The following BRIX1 variants were observed in gnomAD, a reference collection of about 807,000 sequenced individuals.
BRIX1 encodes the protein ribosome biogenesis protein BRX1 homolog.
Under a neutral mutation model 44.0 loss-of-function variants are expected in BRIX1, and 15 were observed. The ratio of observed to expected loss-of-function variants is 0.34; its 90% CI spans 0.23 to 0.53. BRIX1 has a LOEUF of 0.53. Among genes scored for constraint, BRIX1 ranks in the 20% least tolerant of loss-of-function variants. BRIX1 has a pLI of 0.95. For synonymous variants in BRIX1, 149 were observed against 135.4 expected (o/e 1.10, Z -0.70); for missense variants, 420 against 432.8 (o/e 0.97, Z 0.26).
At chr5:34,923,865 T>G (rs1051590453) in intron 8 of BRIX1, among the ~76,000 whole-genome samples, 1 of 152,238 alleles carries the variant, frequency 6.6e-6, no homozygotes, top group African/African-American at 2.4e-5. Flanking sequence ...CTACTTCTAT[T>G]CATGACTGTT....
chr5:34,919,996 A>G lies in BRIX1; in HGVS notation c.315+113A>G, dbSNP rs1421970930. On this transcript the variant is annotated intron_variant, in intron 3 of 9. Transcript: ENST00000336767. The stretch of plus-strand genomic sequence containing the variant: ...ATTATTTTGTAAAAACTATTCAGAC[A>G]CATTTTATTAACTCTTCAATAACTG... 12 of 525,234 alleles carry G rather than the reference A, an allele frequency of 2.3e-5. No individual in the cohort carries two copies. In the East Asian group the frequency reaches 3.5e-4, roughly 15 times the overall value. 32.5% of individuals were successfully genotyped at this position (525,234 alleles called of 1,614,324 possible).
In BRIX1 at chr5:34,924,659, G is replaced by T. The variant is rs369951098; in HGVS notation, c.664-188G>T. On this transcript the variant is annotated intron_variant, in intron 8 of 9. Transcript: ENST00000336767. ...ACTCACTGAAAAAACATTTTTCCAT[G>T]ACAACTTCCTATAAGTACTAATAGA... 1.0e-3 allele frequency among the ~76,000 whole-genome samples: 157 copies of T among 152,168 alleles called. 5 individuals carry two copies. The South Asian group carries it at 0.031, about 30-fold the overall frequency.
Position 34,924,440 on chromosome 5 carries a change from A to C in BRIX1, c.664-407A>C, listed in dbSNP as rs186257848. Among the ~76,000 whole-genome samples the C allele has an allele frequency of 3.9e-3, 588 of 152,250 alleles. 3 individuals carry two copies. Among genetic ancestry groups the C allele is most frequent in the African/African-American group, 0.013 (537 of 41,550 alleles). ...ATAAATTTGACTACATATCCTTTTA[A>C]TCTAACTTGAATTAGATTTATAAAA... On this transcript the variant is annotated intron_variant, in intron 8 of 9. Transcript: ENST00000336767.
At chr5:34,916,160 G>GT in intron 1 of BRIX1, 1 of 345,090 alleles carries the variant, frequency 2.9e-6, no homozygotes, top group South Asian at 8.8e-5. Context: ...CAGATCCAGC[G>GT]TTCTTTCTTA....
At position 34,924,855 on chromosome 5, in the gene BRIX1, A is replaced by G; in HGVS notation, c.672A>G (p.Glu224=). Residue 224 remains glutamate, a synonymous_variant, in exon 9 of 10, where the codon GAA becomes GAG. Coordinates refer to ENST00000336767, the MANE Select transcript of BRIX1 (RefSeq NM_018321.4). The part of the protein sequence containing the change: ...RIWFRNFQII[E]EDAALVEIGP... ...TTTCCTTTTTATTAAAGATCATAGA[A>G]GAAGATGCTGCTCTTGTAGAAATAG... 6.2e-7 allele frequency: 1 copy of G among 1,601,128 alleles called. No individual in the cohort carries two copies.
rs759472010 is a variant in BRIX1 at position 34,918,518 on chromosome 5, T to G, written c.271+43T>G. On this transcript the variant is annotated intron_variant, in intron 2 of 9. Coordinates refer to ENST00000336767, the MANE Select transcript of BRIX1 (RefSeq NM_018321.4). The stretch of plus-strand genomic sequence containing the variant: ...ACTTTAGAAATTTCTATCTATAAAC[T>G]TACCTATTTTTATGTTTTCACTTAT... 2.7e-6 allele frequency: 3 copies of G among 1,101,982 alleles called. No homozygotes were observed. In the African/African-American group the frequency reaches 5.0e-5, roughly 18 times the overall value. 68.3% of individuals were successfully genotyped at this position (1,101,982 alleles called of 1,614,324 possible). A position where few individuals can be genotyped will look rare whatever the true frequency, so the allele number is the denominator to read the frequency against.
chr5:34,922,038 A>G (rs1033668692), intron 3 of BRIX1, 179 bp from the exon 4 acceptor site: 4 of 376,358 alleles, frequency 1.1e-5, no homozygotes, highest in Non-Finnish European at 1.4e-5. Flanking sequence ...TACCTTGGGT[A>G]GAATACCTAA....
intron 8 of BRIX1, among the ~76,000 whole-genome samples, chr5:34,924,459 T>C (rs540610318): frequency 1.2e-4 from 18 of 152,346 alleles, no homozygotes; most frequent in Non-Finnish European, 2.2e-4. Context: ...GAATTAGATT[T>C]ATAAAAACAA....
rs1293878365 is a variant in BRIX1, at chr5:34,922,258, A to C, written c.357A>C (p.Glu119Asp). 6.3e-7 allele frequency: 1 copy of C among 1,593,458 alleles called. No homozygotes were observed. Among genetic ancestry groups the C allele is most frequent in the Non-Finnish European group, 8.6e-7 (1 of 1,165,254 alleles). ...ACTGTAATAAATGCATCTATTTTGA[A>C]GCTAAGAAAAAACAGGATCTCTATA... ...MKNCNKCIYF[E>D]AKKKQDLYMW... Residue 119 changes from glutamate to aspartate, a missense_variant, in exon 4 of 10, where the codon GAA (glutamate) becomes GAC (aspartate). Coordinates refer to ENST00000336767, the MANE Select transcript of BRIX1 (RefSeq NM_018321.4).
chr5:34,923,200 T>C lies in BRIX1; in HGVS notation c.629T>C (p.Ile210Thr). ...GTGGACCACGTGTTTACTTTCACCA[T>C]TTTGGATAATAGGATATGGTTTCGG... is the stretch of plus-strand genomic sequence containing the variant. ...PFVDHVFTFT[I>T]LDNRIWFRNF... Residue 210 changes from isoleucine (I) to threonine (T), a missense_variant, in exon 8 of 10, where the codon ATT (isoleucine) becomes ACT (threonine). Transcript: ENST00000336767. The C allele has an allele frequency of 6.2e-7, 1 of 1,613,880 alleles. No individual in the cohort carries two copies. The highest frequency in any genetic ancestry group is 8.5e-7 in the Non-Finnish European group (1 of 1,179,750).
At chr5:34,920,069 GTTTGT>G in intron 3 of BRIX1, 186 bp downstream of exon 3, 2 of 407,068 alleles carry the variant, frequency 4.9e-6, no homozygotes, top group Non-Finnish European at 8.9e-6. Flanking sequence ...ATTCATTTCT[GTTTGT>G]TTTGTCTGAA....
In BRIX1 at chr5:34,918,485, T is replaced by TA. The variant is rs1213091628; in HGVS notation, c.271+11dup. 1 of 1,465,724 alleles carries TA rather than the reference T, an allele frequency of 6.8e-7. No homozygotes were observed. The highest frequency in any genetic ancestry group is 2.2e-5 in the Admixed American group (1 of 45,242). 90.8% of individuals were successfully genotyped at this position (1,465,724 alleles called of 1,614,324 possible). On this transcript the variant is annotated intron_variant, in intron 2 of 9. Coordinates refer to ENST00000336767, the MANE Select transcript of BRIX1 (RefSeq NM_018321.4). ...CCTCATTCTAAAGCAGGTGCCTTTA[T>TA]ATCATATACTTTAGAAATTTCTATC... is the stretch of plus-strand genomic sequence containing the variant.
intron 3 of BRIX1, chr5:34,920,803 T>G (rs375677843): frequency 3.3e-5 from 5 of 152,046 alleles, no homozygotes; most frequent in African/African-American, 9.7e-5. Flanking sequence ...TTGTGTTTAT[T>G]CTAAGACCAG....
chr5:34,917,683 A>G (rs941400865), intron 1 of BRIX1, among the ~76,000 whole-genome samples: 1 of 152,070 alleles, frequency 6.6e-6, no homozygotes, highest in African/African-American at 2.4e-5. Context: ...AAGCTAGTCA[A>G]CCATATCTAT....
chr5:34,924,520 C>A (rs958717051), intron 8 of BRIX1, among the ~76,000 whole-genome samples: 1 of 152,162 alleles, frequency 6.6e-6, no homozygotes, highest in Non-Finnish European at 1.5e-5. Flanking sequence ...TGCTTTAATA[C>A]ATTTTGTTAA....
intron 2 of BRIX1, among the ~76,000 whole-genome samples, chr5:34,919,274 CAAAAAAAAAAAAAAAA>C (rs71299559): frequency 5.6e-5 from 2 of 35,966 alleles, no homozygotes; most frequent in Non-Finnish European, 1.0e-4. Context: ...GACCCTGTCT[CAAAAAAAAAAAAAAAA>C]AAAAAAAAAA....
chr5:34,915,746 C>G lies in BRIX1; in HGVS notation c.8C>G (p.Ala3Gly). 6.2e-7 allele frequency: 1 copy of G among 1,600,534 alleles called. No homozygotes were observed. The highest frequency in any genetic ancestry group is 1.1e-5 in the South Asian group (1 of 89,204). The change falls in exon 1 of 10, where the codon GCA (alanine) becomes GGA (glycine). Residue 3 changes from alanine (A) to glycine (G), a missense_variant. By Grantham distance (60) the Ala-to-Gly change is moderately conservative. Coordinates refer to ENST00000336767, the MANE Select transcript of BRIX1 (RefSeq NM_018321.4). ...CGCGGGCGGCGAGGCAAGATGGCGG[C>G]AACCAAGAGGAAACGGCGTGGAGGC... MA[A>G]TKRKRRGGFA...
intron 1 of BRIX1, among the ~76,000 whole-genome samples, chr5:34,917,477 C>CAA (rs551951963): frequency 1.6e-3 from 222 of 138,992 alleles, no homozygotes; most frequent in African/African-American, 5.5e-3. Flanking sequence ...ACTAACACTA[C>CAA]AAAAAAAAAA....
chr5:34,917,223 T>C (rs1764129466), intron 1 of BRIX1, among the ~76,000 whole-genome samples: 1 of 152,234 alleles, frequency 6.6e-6, no homozygotes, highest in East Asian at 1.9e-4. Context: ...TGCATTAGGC[T>C]TCATTTGGGG....
Sources: gnomAD v4.1 joint callset for allele counts (sites outside exome capture counted in the v4.1 genomes callset) on GRCh38, gnomAD v4.1.1 for gene constraint, MANE v1.5 for transcripts, NCBI Gene and HGNC (gene_info 2026-07-23, HGNC 2026-07-21) for gene names.